Variants in REC114 observed in about 807,000 individuals in gnomAD.
REC114 encodes the protein REC114 meiotic recombination protein, also known as meiotic recombination protein REC114.
A neutral mutation model predicts 31.3 loss-of-function variants in REC114; 27 were observed. The ratio of observed to expected loss-of-function variants is 0.86; its 90% CI spans 0.64 to 1.19. REC114 has a LOEUF of 1.19. REC114 is among the 50% of genes most tolerant of loss of function. The probability of loss-of-function intolerance (pLI) is 0.00; values close to 1 mark genes in which losing one functional copy is unlikely to be tolerated. For missense variants in REC114, 344 were observed against 326.9 expected, an observed-to-expected ratio of 1.05 and a Z score of -0.40; for synonymous variants, 134 against 127.7, an observed-to-expected ratio of 1.05 and a Z score of -0.33.
chr15:73,443,451 C>T (rs1277981377), intron 1 of REC114, 107 bp downstream of exon 1: 3 of 1,291,846 alleles, frequency 2.3e-6, no homozygotes, highest in Non-Finnish European at 3.1e-6. Context: ...GAGGGGACAC[C>T]GAGTGACTGC....
rs536846719 is a variant in REC114 at position 73,540,428 on chromosome 15, A to G, written c.250-57A>G. 1.6e-5 allele frequency: 19 copies of G among 1,152,306 alleles called. 1 individual carries two copies. The highest frequency in any genetic ancestry group is 4.9e-5 in the South Asian group (4 of 81,728). 71.4% of individuals were successfully genotyped at this position (1,152,306 alleles called of 1,614,324 possible). A position where few individuals can be genotyped will look rare whatever the true frequency, so the allele number is the denominator to read the frequency against. On this transcript the variant is annotated intron_variant, in intron 2 of 5. Coordinates refer to ENST00000331090, the MANE Select transcript of REC114 (RefSeq NM_001042367.2). ...TTTCTAACAGGAAGTAGCTGCAGCC[A>G]TAGCTATTCTTCATATTTTTGTTTC... is the stretch of plus-strand genomic sequence containing the variant.
intron 1 of REC114, among the ~76,000 whole-genome samples, chr15:73,445,564 C>T (rs1373157080): frequency 1.3e-5 from 2 of 152,180 alleles, no homozygotes; most frequent in African/African-American, 4.8e-5. Context: ...TTAATCATTT[C>T]TAGCTTTTCA....
chr15:73,490,850 C>T (rs1008910208), intron 2 of REC114, among the ~76,000 whole-genome samples: 4 of 152,174 alleles, frequency 2.6e-5, no homozygotes, highest in African/African-American at 9.7e-5. Context: ...TGCCCACCTT[C>T]ATCCCCAGAG....
chr15:73,546,710 T>C (rs1308950846), intron 3 of REC114, among the ~76,000 whole-genome samples: 1 of 151,216 alleles, frequency 6.6e-6, no homozygotes, highest in East Asian at 1.9e-4. Context: ...TTCTGGGAAA[T>C]TGCTGAGGCA....
intron 1 of REC114, among the ~76,000 whole-genome samples, chr15:73,459,219 ACTTTTT>A (rs1892956350): frequency 6.6e-6 from 1 of 151,558 alleles, no homozygotes; most frequent in South Asian, 2.1e-4. Context: ...AATTAAATAT[ACTTTTT>A]CTTTTTTCTT....
At chr15:73,498,272 C>T (rs994273103) in intron 2 of REC114, among the ~76,000 whole-genome samples, 4 of 151,970 alleles carry the variant, frequency 2.6e-5, no homozygotes, top group Non-Finnish European at 4.4e-5. Flanking sequence ...TCAATACATA[C>T]ATCCACTGCC....
chr15:73,499,057 G>T (rs1893567705), intron 2 of REC114, among the ~76,000 whole-genome samples: 1 of 152,024 alleles, frequency 6.6e-6, no homozygotes, highest in African/African-American at 2.4e-5. Context: ...ATGGTGCTCA[G>T]CTAAACTCTT....
chr15:73,491,814 C>T (rs1456571673), intron 2 of REC114, among the ~76,000 whole-genome samples: 2 of 152,092 alleles, frequency 1.3e-5, no homozygotes, highest in African/African-American at 4.8e-5. Context: ...GCAGGAGAAT[C>T]GCTTGAACCT....
intron 3 of REC114, among the ~76,000 whole-genome samples, chr15:73,545,168 T>C (rs1241990445): frequency 6.6e-6 from 1 of 152,214 alleles, no homozygotes; most frequent in African/African-American, 2.4e-5. Context: ...TTAGTTGTTA[T>C]AACTTGAAAT....
chr15:73,481,155 T>G (rs1455328653), intron 2 of REC114, among the ~76,000 whole-genome samples: 2 of 152,156 alleles, frequency 1.3e-5, no homozygotes, highest in African/African-American at 4.8e-5. Flanking sequence ...AGTAACAGCT[T>G]CATGTGTGTG....
In REC114 at chr15:73,468,944, G is replaced by A. The variant is rs1893098143; in HGVS notation, c.160-4888G>A. On this transcript the variant is annotated intron_variant, in intron 1 of 5. Coordinates refer to ENST00000331090, the MANE Select transcript of REC114 (RefSeq NM_001042367.2). ...AGAATATTTGGGGCTTTTTTTCAGAGACCTGTTTTTGATTTCTAATTTAAT... is the reference window on the plus strand; with the variant it reads ...AGAATATTTGGGGCTTTTTTTCAGAAACCTGTTTTTGATTTCTAATTTAAT... 2.0e-5 allele frequency among the ~76,000 whole-genome samples: 3 copies of A among 151,654 alleles called. No homozygotes were observed. The South Asian group carries it at 6.2e-4, about 32-fold the overall frequency.
chr15:73,504,130 C>T (rs1420650908), intron 2 of REC114, among the ~76,000 whole-genome samples: 2 of 150,228 alleles, frequency 1.3e-5, no homozygotes, highest in Admixed American at 1.3e-4. Flanking sequence ...CCTCAGTCTC[C>T]TGAGTAGCTG....
intron 2 of REC114, among the ~76,000 whole-genome samples, chr15:73,534,140 G>A (rs1374933040): frequency 2.0e-5 from 3 of 149,532 alleles, no homozygotes; most frequent in Admixed American, 6.7e-5. Context: ...AGAGAAGCAA[G>A]AGCAAACACA....
intron 1 of REC114, among the ~76,000 whole-genome samples, chr15:73,462,809 T>TG (rs1046239785): frequency 7.1e-6 from 1 of 141,410 alleles, no homozygotes; most frequent in Non-Finnish European, 1.5e-5. Context: ...GGCGTGGACC[T>TG]GGGAGGCGGA....
At chr15:73,513,992 T>G (rs924668942) in intron 2 of REC114, among the ~76,000 whole-genome samples, 1 of 152,242 alleles carries the variant, frequency 6.6e-6, no homozygotes, top group Non-Finnish European at 1.5e-5. Flanking sequence ...GCTTCCTGGC[T>G]GCTTTGTTTA....
intron 3 of REC114, among the ~76,000 whole-genome samples, chr15:73,541,844 AC>A (rs1566948416): frequency 6.6e-6 from 1 of 152,198 alleles, no homozygotes; most frequent in African/African-American, 2.4e-5. Context: ...ATACATTATT[AC>A]TAAAATTTTA....
intron 2 of REC114, among the ~76,000 whole-genome samples, chr15:73,491,831 C>T (rs141627189): frequency 0.025 from 3,811 of 151,758 alleles, 92 homozygotes; most frequent in African/African-American, 0.06. Context: ...ACCTGGGAGG[C>T]GGAGGTTGCA....
intron 3 of REC114, among the ~76,000 whole-genome samples, chr15:73,549,729 T>A (rs186843230): frequency 6.6e-6 from 1 of 152,344 alleles, no homozygotes; most frequent in African/African-American, 2.4e-5. Context: ...TGATAATGGA[T>A]GACTTTTATA....
At chr15:73,545,389 C>T (rs926960107) in intron 3 of REC114, among the ~76,000 whole-genome samples, 1 of 152,200 alleles carries the variant, frequency 6.6e-6, no homozygotes, top group Non-Finnish European at 1.5e-5. Flanking sequence ...CTCATCAAGA[C>T]TTTCAATCTT....
Sources: allele counts gnomAD v4.1 joint callset (sites outside exome capture counted in the v4.1 genomes callset), GRCh38; gene constraint gnomAD v4.1.1; transcripts MANE v1.5; gene names NCBI Gene and HGNC (gene_info 2026-07-23, HGNC 2026-07-21).